TTLL11: variants seen among roughly 807,000 people sequenced by gnomAD.
TTLL11 encodes tubulin polyglutamylase TTLL11.
TTLL11 carries 42 observed loss-of-function variants against 51.7 expected under a neutral mutation model. The ratio of observed to expected loss-of-function variants is 0.81; its 90% confidence interval spans 0.64 to 1.05. The LOEUF is 1.05. TTLL11 is among the 50% of genes least tolerant of loss of function. The probability of loss-of-function intolerance (pLI) is 0.00; values close to 1 mark genes in which losing one functional copy is unlikely to be tolerated. For synonymous variants in TTLL11, 381 were observed against 383.5 expected, an observed-to-expected ratio of 0.99 and a Z score of 0.08; for missense variants, 799 against 940.4, an observed-to-expected ratio of 0.85 and a Z score of 1.97.
intron 1 of TTLL11, among the ~76,000 whole-genome samples, chr9:122,047,380 A>G (rs141857217): frequency 3.7e-4 from 56 of 152,316 alleles, no homozygotes; most frequent in Non-Finnish European, 2.9e-4. Flanking sequence ...CAGAGGTAGG[A>G]CTGTCATTGG....
chr9:122,058,151 C>A (rs1037087243), intron 1 of TTLL11, among the ~76,000 whole-genome samples: 1 of 152,182 alleles, frequency 6.6e-6, no homozygotes, highest in African/African-American at 2.4e-5. Flanking sequence ...GGTGTGGGCA[C>A]GGGACCATGA....
chr9:121,870,448 G>C (rs1299268741), intron 7 of TTLL11, 49 bp downstream of exon 7: 1 of 1,524,542 alleles, frequency 6.6e-7, no homozygotes, highest in African/African-American at 1.4e-5. Context: ...TGTGAGACTG[G>C]ACTCCACCCA....
At chr9:121,834,924 T>C (rs1188038272) in intron 8 of TTLL11, among the ~76,000 whole-genome samples, 3 of 152,054 alleles carry the variant, frequency 2.0e-5, no homozygotes, top group African/African-American at 7.2e-5. Context: ...GCTATCACAA[T>C]AGTGGTTTCA....
At chr9:121,912,697 G>A (rs1588119479) in intron 6 of TTLL11, among the ~76,000 whole-genome samples, 2 of 151,984 alleles carry the variant, frequency 1.3e-5, no homozygotes, top group African/African-American at 4.8e-5. Flanking sequence ...GATCCTCAGT[G>A]GCTAGTCCAG....
intron 3 of TTLL11, among the ~76,000 whole-genome samples, chr9:122,003,566 C>T (rs1211181481): frequency 6.8e-6 from 1 of 148,122 alleles, no homozygotes; most frequent in Non-Finnish European, 1.5e-5. Flanking sequence ...CTCACTGCAA[C>T]CTCTGCCTCC....
chr9:121,891,341 T>C (rs1335583553), intron 6 of TTLL11, among the ~76,000 whole-genome samples: 2 of 152,144 alleles, frequency 1.3e-5, no homozygotes, highest in African/African-American at 2.4e-5. Context: ...GGATCAGAGA[T>C]CACATACGAT....
intron 3 of TTLL11, among the ~76,000 whole-genome samples, chr9:122,012,112 T>C (rs750151206): frequency 8.5e-5 from 13 of 152,142 alleles, no homozygotes; most frequent in South Asian, 2.1e-4. Flanking sequence ...AGAAACAGAA[T>C]AGGAGAGATT....
intron 1 of TTLL11, among the ~76,000 whole-genome samples, chr9:122,051,953 A>C (rs1488776074): frequency 6.6e-6 from 1 of 152,208 alleles, no homozygotes; most frequent in Non-Finnish European, 1.5e-5. Flanking sequence ...AACATAGCAC[A>C]GAAAAGTCCA....
At chr9:121,946,673 C>T (rs1304066537) in intron 6 of TTLL11, among the ~76,000 whole-genome samples, 3 of 152,196 alleles carry the variant, frequency 2.0e-5, no homozygotes, top group Non-Finnish European at 4.4e-5. Context: ...CACAAGTGTC[C>T]GTCAGGACCA....
chr9:121,871,933 T>C (rs773443348), intron 6 of TTLL11, among the ~76,000 whole-genome samples: 9 of 152,222 alleles, frequency 5.9e-5, no homozygotes, highest in Non-Finnish European at 1.0e-4. Context: ...CCTGTCGGGA[T>C]CTGGGGCCAG....
chr9:121,877,307 T>C (rs1838602081), intron 6 of TTLL11, among the ~76,000 whole-genome samples: 1 of 152,202 alleles, frequency 6.6e-6, no homozygotes, highest in Non-Finnish European at 1.5e-5. Flanking sequence ...AAAAATAAAC[T>C]TTACTGTATA....
Position 121,942,744 on chromosome 9 carries a change from T to A in TTLL11, c.1481+31265A>T, listed in dbSNP as rs539137411. On this transcript the variant is annotated intron_variant, in intron 6 of 8. Coordinates refer to ENST00000321582, the MANE Select transcript of TTLL11 (RefSeq NM_001139442.2). The stretch of plus-strand genomic sequence containing the variant: ...CACGTTTCTAATCTGTCTTATTTTT[T>A]TTTTTTTTTTTTTTTTTGCCTGAAT... Among the ~76,000 whole-genome samples, 224 of 124,166 alleles carry A rather than the reference T, an allele frequency of 1.8e-3. 2 individuals are homozygous for A. The highest frequency in any genetic ancestry group is 8.3e-3 in the African/African-American group (212 of 25,592). The allele number at this position is 124,166 out of a possible 152,430, so 81.5% of individuals were successfully genotyped here.
At chr9:121,971,056 C>A (rs1268172528) in intron 6 of TTLL11, among the ~76,000 whole-genome samples, 1 of 144,958 alleles carries the variant, frequency 6.9e-6, no homozygotes, top group Non-Finnish European at 1.5e-5. Context: ...CCGCCCCGTC[C>A]GGGAGGGAGG....
chr9:121,823,485 G>A (rs113990899), intron 8 of TTLL11, among the ~76,000 whole-genome samples: 3,962 of 152,348 alleles, frequency 0.026, 113 homozygotes, highest in African/African-American at 0.066. Context: ...GGCAGAGGTT[G>A]CAGTGAGCTG....
intron 8 of TTLL11, among the ~76,000 whole-genome samples, chr9:121,827,607 G>A (rs78834821): frequency 6.6e-6 from 1 of 152,206 alleles, no homozygotes; most frequent in African/African-American, 2.4e-5. Context: ...AGTGTGGGGG[G>A]ACGCGGGGAT....
At chr9:121,928,787 G>T (rs940453373) in intron 6 of TTLL11, among the ~76,000 whole-genome samples, 2 of 151,674 alleles carry the variant, frequency 1.3e-5, no homozygotes, top group East Asian at 3.9e-4. Context: ...TCCCAGGCTG[G>T]TCTTGAACTC....
chr9:121,817,147 A>G lies in TTLL11; in HGVS notation c.*5440T>C, dbSNP rs374321421. ...ATTACAGGGCCAAGGAGTAGAGGAC[A>G]TTAGTCAAGAAATGGGGAAAAAATT... On this transcript the variant is annotated 3_prime_UTR_variant, in exon 9 of 9. Coordinates refer to ENST00000321582, the MANE Select transcript of TTLL11 (RefSeq NM_001139442.2). The G allele has an allele frequency of 9.2e-5, 14 of 152,366 alleles. 1 individual carries two copies. The highest frequency in any genetic ancestry group is 5.8e-4 in the East Asian group (3 of 5,176). 9.4% of individuals were successfully genotyped at this position (152,366 alleles called of 1,614,324 possible). A position where few individuals can be genotyped will look rare whatever the true frequency, so the allele number is the denominator to read the frequency against.
At position 122,079,390 on chromosome 9, in the gene TTLL11, A is replaced by G. The variant is rs1054765583; in HGVS notation, c.462+13297T>C. 2.6e-5 allele frequency among the ~76,000 whole-genome samples: 4 copies of G among 152,068 alleles called. No homozygotes were observed. In the South Asian group the frequency reaches 6.2e-4, roughly 24 times the overall value. On this transcript the variant is annotated intron_variant, in intron 1 of 8. Transcript: ENST00000321582. Reference sequence around the variant, plus strand: ...CCCTCCCCCTTTTTTTTAACTCCAGAAATATTTTGACAAAACCTAAGAAAT... The same window carrying G: ...CCCTCCCCCTTTTTTTTAACTCCAGGAATATTTTGACAAAACCTAAGAAAT...
chr9:122,081,068 G>T (rs1845993220), intron 1 of TTLL11, among the ~76,000 whole-genome samples: 1 of 152,170 alleles, frequency 6.6e-6, no homozygotes, highest in Non-Finnish European at 1.5e-5. Context: ...AAATTTTTAA[G>T]CAATGTACAA....
Sources: gnomAD v4.1 joint callset for allele counts (sites outside exome capture counted in the v4.1 genomes callset) on GRCh38, gnomAD v4.1.1 for gene constraint, MANE v1.5 for transcripts, NCBI Gene and HGNC (gene_info 2026-07-23, HGNC 2026-07-21) for gene names.